CNST: variants seen among roughly 807,000 people sequenced by gnomAD.
CNST encodes consortin, connexin sorting protein, also known as consortin.
CNST carries 39 observed loss-of-function variants against 72.4 expected under a neutral mutation model. The observed-to-expected ratio is 0.54, with a 90% CI of 0.42 to 0.70. The LOEUF (loss-of-function observed/expected upper bound fraction) is 0.70. Among genes scored for constraint, CNST ranks in the 30% least tolerant of loss-of-function variants. CNST has a pLI of 0.00. For synonymous variants in CNST, 332 were observed against 320.1 expected, an observed-to-expected ratio of 1.04 and a Z score of -0.40; for missense variants, 871 against 868.5, an observed-to-expected ratio of 1.00 and a Z score of -0.04.
intron 1 of CNST, among the ~76,000 whole-genome samples, chr1:246,575,782 A>T (rs1049018166): frequency 6.6e-6 from 1 of 152,244 alleles, no homozygotes; most frequent in African/African-American, 2.4e-5. Context: ...ATACAAGTTT[A>T]TCATAGAAAA....
At chr1:246,636,457 A>C (rs1250749784) in intron 6 of CNST, among the ~76,000 whole-genome samples, 1 of 152,158 alleles carries the variant, frequency 6.6e-6, no homozygotes, top group Non-Finnish European at 1.5e-5. Context: ...GCAATTGGAC[A>C]CATTCGTGGT....
chr1:246,588,073 A>G (rs1202390537), intron 1 of CNST, among the ~76,000 whole-genome samples: 5 of 152,238 alleles, frequency 3.3e-5, no homozygotes, highest in African/African-American at 1.2e-4. Flanking sequence ...CTTATAGCAT[A>G]AATTTTCTCT....
intron 2 of CNST, among the ~76,000 whole-genome samples, chr1:246,618,677 A>G (rs563293659): frequency 7.9e-5 from 12 of 152,328 alleles, no homozygotes; most frequent in African/African-American, 2.9e-4. Flanking sequence ...TTCATGAATA[A>G]TAGTCCCCTT....
At chr1:246,642,264 A>G (rs984593685) in intron 8 of CNST, among the ~76,000 whole-genome samples, 1 of 151,518 alleles carries the variant, frequency 6.6e-6, no homozygotes, top group African/African-American at 2.4e-5. Context: ...CATAAAATCT[A>G]AGTTCTTATA....
At chr1:246,634,203 G>A (rs1447164284) in intron 5 of CNST, 193 bp downstream of exon 5, 1 of 563,492 alleles carries the variant, frequency 1.8e-6, no homozygotes, top group Non-Finnish European at 3.1e-6. Flanking sequence ...TTTGTATTTT[G>A]CTCTTCATAT....
intron 1 of CNST, among the ~76,000 whole-genome samples, chr1:246,567,013 C>T (rs1192637822): frequency 6.6e-6 from 1 of 152,138 alleles, no homozygotes; most frequent in Non-Finnish European, 1.5e-5. Flanking sequence ...GCTCTCCCCA[C>T]CCTCGTGGAT....
At chr1:246,573,903 C>T (rs1320256859) in intron 1 of CNST, among the ~76,000 whole-genome samples, 1 of 152,132 alleles carries the variant, frequency 6.6e-6, no homozygotes, top group African/African-American at 2.4e-5. Flanking sequence ...ATTCTGCCTT[C>T]CCTCACCTTT....
intron 9 of CNST, 48 bp from the exon 10 acceptor site, chr1:246,660,151 A>G (rs1366987234): frequency 6.5e-7 from 1 of 1,528,322 alleles, no homozygotes; most frequent in African/African-American, 1.4e-5. Flanking sequence ...ACATGTAGAG[A>G]TGTCCCGCCT....
chr1:246,593,319 C>CT (rs74163465), intron 2 of CNST, among the ~76,000 whole-genome samples: 171 of 143,178 alleles, frequency 1.2e-3, no homozygotes, highest in Non-Finnish European at 1.1e-3. Flanking sequence ...GATATGAAAG[C>CT]TTTTTTTTTT....
chr1:246,651,454 G>A (rs939145776), intron 9 of CNST, among the ~76,000 whole-genome samples: 1 of 151,970 alleles, frequency 6.6e-6, no homozygotes, highest in African/African-American at 2.4e-5. Context: ...TCATTTTCTT[G>A]CCACTTTTGC....
intron 10 of CNST, among the ~76,000 whole-genome samples, 166 bp from the exon 11 acceptor site, chr1:246,665,534 G>A (rs898859718): frequency 1.3e-5 from 2 of 152,224 alleles, no homozygotes; most frequent in African/African-American, 4.8e-5. Flanking sequence ...TATTTAATAG[G>A]TAGGTCTTTG....
intron 3 of CNST, 48 bp downstream of exon 3, chr1:246,621,682 C>A: frequency 6.7e-7 from 1 of 1,486,918 alleles, no homozygotes; most frequent in Non-Finnish European, 9.4e-7. Flanking sequence ...ATTCCCCTAG[C>A]AGTGTTTGGA....
At position 246,566,483 on chromosome 1, in the gene CNST, G is replaced by A. The variant is rs1017132475; in HGVS notation, c.-232G>A. ...GGTCGCGGGCCGCCAGCCTCCAGCC[G>A]GCCAGCCGCGAGGGGTGCGCAGAGG... On this transcript the variant is annotated 5_prime_UTR_variant, in exon 1 of 11. Transcript: ENST00000366513. 1.6e-5 allele frequency: 7 copies of A among 443,954 alleles called. No homozygotes were observed. The highest frequency in any genetic ancestry group is 1.2e-4 in the African/African-American group (6 of 50,500). 27.5% of individuals were successfully genotyped at this position (443,954 alleles called of 1,614,324 possible).
chr1:246,664,572 A>G (rs1009861783), intron 10 of CNST, among the ~76,000 whole-genome samples: 13 of 152,074 alleles, frequency 8.5e-5, no homozygotes, highest in East Asian at 5.8e-4. Context: ...GACTATAGGC[A>G]CCTGCCACCA....
At chr1:246,659,228 A>G (rs1295064234) in intron 9 of CNST, among the ~76,000 whole-genome samples, 1 of 152,212 alleles carries the variant, frequency 6.6e-6, no homozygotes, top group Admixed American at 6.5e-5. Context: ...CAATTAAATT[A>G]TATTCACAAA....
intron 2 of CNST, among the ~76,000 whole-genome samples, chr1:246,621,048 G>C (rs1664058197): frequency 2.0e-5 from 3 of 152,254 alleles, no homozygotes; most frequent in Admixed American, 6.5e-5. Context: ...TTTCAGTGAA[G>C]GGTGAAGTTA....
chr1:246,618,251 G>A lies in CNST; in HGVS notation c.380-3178G>A, dbSNP rs747007392. On this transcript the variant is annotated intron_variant, in intron 2 of 10. Coordinates refer to ENST00000366513, the MANE Select transcript of CNST (RefSeq NM_152609.3). ...GAGAACTTCTCTATCCAATCTCTTCGTTTTAGGTAAGGAAACTATATAGGT... is the reference window on the plus strand; with the variant it reads ...GAGAACTTCTCTATCCAATCTCTTCATTTTAGGTAAGGAAACTATATAGGT... Among the ~76,000 whole-genome samples the A allele has an allele frequency of 1.5e-4, 23 of 152,122 alleles. 1 individual carries two copies. The highest frequency in any genetic ancestry group is 7.9e-4 in the Admixed American group (12 of 15,264).
intron 6 of CNST, among the ~76,000 whole-genome samples, chr1:246,638,492 G>A (rs1383688280): frequency 2.6e-5 from 4 of 152,188 alleles, no homozygotes; most frequent in East Asian, 3.8e-4. Context: ...AGGAAACCCC[G>A]TTCTTTCCAG....
intron 2 of CNST, among the ~76,000 whole-genome samples, chr1:246,616,463 T>A (rs1291841001): frequency 6.6e-6 from 1 of 152,068 alleles, no homozygotes. Context: ...GACACTGAGG[T>A]GGGAGGGTCG....
Sources: allele counts gnomAD v4.1 joint callset (sites outside exome capture counted in the v4.1 genomes callset), GRCh38; gene constraint gnomAD v4.1.1; transcripts MANE v1.5; gene names NCBI Gene and HGNC (gene_info 2026-07-23, HGNC 2026-07-21).